The following SEMA3A variants were observed in gnomAD, a reference collection of about 807,000 sequenced individuals.
SEMA3A encodes semaphorin 3A, also known as semaphorin-3A.
Under a neutral mutation model 97.9 loss-of-function variants are expected in SEMA3A, and 29 were observed. The observed-to-expected ratio is 0.30, with a 90% confidence interval of 0.22 to 0.40. The LOEUF is 0.40. SEMA3A is among the 10% of genes least tolerant of loss of function. SEMA3A has a pLI of 1.00. For synonymous variants in SEMA3A, 321 were observed against 323.7 expected, an observed-to-expected ratio of 0.99 and a Z score of 0.09; for missense variants, 763 against 951.3, an observed-to-expected ratio of 0.80 and a Z score of 2.60.
At chr7:84,338,161 A>G (rs2115975923) in intron 2 of SEMA3A, among the ~76,000 whole-genome samples, 1 of 150,626 alleles carries the variant, frequency 6.6e-6, no homozygotes, top group East Asian at 2.0e-4. Context: ...ATGTGTATAT[A>G]CATGCATATA....
chr7:84,249,583 TA>T (rs113835673), intron 3 of SEMA3A, among the ~76,000 whole-genome samples: 2,624 of 152,184 alleles, frequency 0.017, 77 homozygotes, highest in African/African-American at 0.06. Flanking sequence ...TTTATAGTGC[TA>T]AAAATGTATT....
At chr7:84,152,436 G>T (rs554522044) in intron 1 of SEMA3A, among the ~76,000 whole-genome samples, 1 of 141,998 alleles carries the variant, frequency 7.0e-6, no homozygotes, top group African/African-American at 2.7e-5. Flanking sequence ...GTAAACTGTC[G>T]CAAGAACAAA....
intron 2 of SEMA3A, among the ~76,000 whole-genome samples, chr7:84,318,618 G>A (rs1398852205): frequency 1.3e-5 from 2 of 152,048 alleles, no homozygotes; most frequent in Non-Finnish European, 2.9e-5. Flanking sequence ...CATCGCGCCC[G>A]GCCGATTTCT....
At chr7:84,310,365 C>T (rs1243024722) in intron 2 of SEMA3A, among the ~76,000 whole-genome samples, 2 of 151,628 alleles carry the variant, frequency 1.3e-5, no homozygotes, top group Non-Finnish European at 2.9e-5. Context: ...TCCAACCTGA[C>T]AGTTGTTTTT....
intron 1 of SEMA3A, among the ~76,000 whole-genome samples, chr7:84,152,473 A>G (rs1042818319): frequency 4.4e-5 from 6 of 137,320 alleles, no homozygotes; most frequent in African/African-American, 1.4e-4. Flanking sequence ...ATTCTCACTC[A>G]TAGGTGGGAA....
chr7:84,337,099 A>G (rs906554526), intron 2 of SEMA3A, among the ~76,000 whole-genome samples: 1 of 152,126 alleles, frequency 6.6e-6, no homozygotes, highest in Non-Finnish European at 1.5e-5. Flanking sequence ...CAGTTAACTC[A>G]CCTGCAAAAC....
At chr7:84,056,199 G>C (rs1426462736) in intron 5 of SEMA3A, among the ~76,000 whole-genome samples, 1 of 151,428 alleles carries the variant, frequency 6.6e-6, no homozygotes, top group Non-Finnish European at 1.5e-5. Context: ...TCTCACAGGA[G>C]AGCATACTTT....
At chr7:84,150,673 G>A (rs1014428995) in intron 1 of SEMA3A, among the ~76,000 whole-genome samples, 68 of 152,252 alleles carry the variant, frequency 4.5e-4, no homozygotes, top group African/African-American at 1.5e-3. Context: ...AGGGGCGCCC[G>A]CCATTGCCCA....
At chr7:84,132,373 C>T (rs368699293) in intron 2 of SEMA3A, among the ~76,000 whole-genome samples, 2 of 78,044 alleles carry the variant, frequency 2.6e-5, no homozygotes, top group Non-Finnish European at 5.1e-5. Context: ...TCTGAGTGTA[C>T]AAATGGCTGT....
At position 84,445,958 on chromosome 7, in the gene SEMA3A, T is replaced by C. The variant is rs187594153; in HGVS notation, c.-246+46502A>G. On this transcript the variant is annotated intron_variant, in intron 1 of 3. Transcript: ENST00000424555. The stretch of plus-strand genomic sequence containing the variant: ...TCAACAAAATGGACACACCTTTAAC[T>C]ATATGTACTAGGAAAAAATGAGAGA... 8.4e-4 allele frequency among the ~76,000 whole-genome samples: 128 copies of C among 152,192 alleles called. 1 individual carries two copies. The highest frequency in any genetic ancestry group is 3.4e-3 in the Middle Eastern group (1 of 294).
At chr7:84,166,435 G>C (rs1297322085) in intron 1 of SEMA3A, among the ~76,000 whole-genome samples, 16 of 151,776 alleles carry the variant, frequency 1.1e-4, no homozygotes. Context: ...GCCAGGCGTG[G>C]TGGTGCATGC....
intron 1 of SEMA3A, among the ~76,000 whole-genome samples, chr7:84,137,008 A>G (rs1796151163): frequency 3.3e-5 from 3 of 90,040 alleles, no homozygotes; most frequent in Non-Finnish European, 7.6e-5. Context: ...AAGGAAGGAA[A>G]AGAGTTTGTA....
Position 84,099,269 on chromosome 7 carries a change from ACCG to A in SEMA3A, c.453+11198_453+11200del, listed in dbSNP as rs1233950336. ...GTATTTTTAGTAGAGACGGTGTTTC[ACCG>A]TGTTAGCCAGGATGGTCTCGATCTC... On this transcript the variant is annotated intron_variant, in intron 4 of 16. Transcript: ENST00000265362. 4.0e-5 allele frequency among the ~76,000 whole-genome samples: 5 copies of A among 125,146 alleles called. 2 individuals carry two copies. The highest frequency in any genetic ancestry group is 9.3e-5 in the Non-Finnish European group (5 of 53,612). The allele number at this position is 125,146 out of a possible 152,430, so 82.1% of individuals were successfully genotyped here. A position where few individuals can be genotyped will look rare whatever the true frequency, so the allele number is the denominator to read the frequency against.
chr7:84,018,321 C>T (rs929887704), intron 6 of SEMA3A, among the ~76,000 whole-genome samples: 2 of 152,094 alleles, frequency 1.3e-5, no homozygotes, highest in Non-Finnish European at 2.9e-5. Flanking sequence ...CAAACTATTG[C>T]TCAAATAAAT....
intron 3 of SEMA3A, among the ~76,000 whole-genome samples, chr7:84,237,958 C>T (rs1242748764): frequency 6.6e-6 from 1 of 152,066 alleles, no homozygotes; most frequent in African/African-American, 2.4e-5. Flanking sequence ...CTATCATAGG[C>T]CACCATCTCT....
At chr7:84,403,207 G>A (rs1023180755) in intron 1 of SEMA3A, among the ~76,000 whole-genome samples, 5 of 152,134 alleles carry the variant, frequency 3.3e-5, no homozygotes, top group South Asian at 2.1e-4. Context: ...CTAATACTGC[G>A]CTTTTCCAAC....
At chr7:84,366,156 C>A (rs1470851892) in intron 2 of SEMA3A, among the ~76,000 whole-genome samples, 2 of 151,226 alleles carry the variant, frequency 1.3e-5, no homozygotes, top group Non-Finnish European at 3.0e-5. Flanking sequence ...ACCTCCTTCT[C>A]CATTAATTTT....
chr7:84,151,929 A>C (rs1796684329), intron 1 of SEMA3A, among the ~76,000 whole-genome samples: 1 of 152,114 alleles, frequency 6.6e-6, no homozygotes, highest in African/African-American at 2.4e-5. Flanking sequence ...CAGCCAAAAA[A>C]CACATGAAAA....
chr7:84,271,277 T>G (rs763151132), intron 3 of SEMA3A, among the ~76,000 whole-genome samples: 11 of 152,040 alleles, frequency 7.2e-5, no homozygotes, highest in Non-Finnish European at 1.6e-4. Flanking sequence ...AGGTTCAAAC[T>G]CCTGGGCTCA....
Sources: allele counts gnomAD v4.1 joint callset (sites outside exome capture counted in the v4.1 genomes callset), GRCh38; gene constraint gnomAD v4.1.1; transcripts MANE v1.5; gene names NCBI Gene and HGNC (gene_info 2026-07-23, HGNC 2026-07-21).